The following TENM2 variants were observed in gnomAD, a reference collection of about 807,000 sequenced individuals.
The protein encoded by TENM2 is teneurin-2.
TENM2 carries 52 observed loss-of-function variants against 245.2 expected under a neutral mutation model. The ratio of observed to expected loss-of-function variants is 0.21; its 90% CI spans 0.17 to 0.27. The LOEUF is 0.27. Ranked by LOEUF, TENM2 falls within the 10% of genes least tolerant of loss-of-function variation. The probability of loss-of-function intolerance (pLI) is 1.00; values close to 1 mark genes in which losing one functional copy is unlikely to be tolerated. For missense variants in TENM2, 3,046 were observed against 3,666.8 expected (o/e 0.83, Z 4.37); for synonymous variants, 1,363 against 1,438.9 (o/e 0.95, Z 1.19).
At chr5:168,157,761 A>AT (rs907110920) in intron 12 of TENM2, among the ~76,000 whole-genome samples, 5 of 152,250 alleles carry the variant, frequency 3.3e-5, no homozygotes, top group African/African-American at 1.2e-4. Context: ...AAGAGTCAGA[A>AT]TTCTTTTGAG....
the TENM2 span, among the ~76,000 whole-genome samples, chr5:167,221,514 A>G: frequency 5.3e-5 from 8 of 152,286 alleles, no homozygotes; most frequent in East Asian, 1.2e-3. Flanking sequence ...GACTCTTGAC[A>G]GTTTAGTTTT....
chr5:168,181,377 C>T (rs1292737897), intron 13 of TENM2, among the ~76,000 whole-genome samples: 4 of 152,218 alleles, frequency 2.6e-5, no homozygotes, highest in African/African-American at 9.7e-5. Flanking sequence ...CAGATTTCTG[C>T]CTTTGGTAGC....
At chr5:167,748,883 G>A (rs1362806506) in intron 2 of TENM2, among the ~76,000 whole-genome samples, 2 of 152,002 alleles carry the variant, frequency 1.3e-5, no homozygotes, top group African/African-American at 4.8e-5. Flanking sequence ...AAGACTGTGG[G>A]GATTACAGTT....
chr5:167,143,237 G>T, the TENM2 span, among the ~76,000 whole-genome samples: 1 of 152,134 alleles, frequency 6.6e-6, no homozygotes, highest in Non-Finnish European at 1.5e-5. Context: ...CATGAATACG[G>T]GTAATTGAGA....
At chr5:167,887,435 A>G (rs1294005090) in intron 3 of TENM2, among the ~76,000 whole-genome samples, 1 of 152,204 alleles carries the variant, frequency 6.6e-6, no homozygotes, top group African/African-American at 2.4e-5. Flanking sequence ...AGTCCTTCAG[A>G]TTTGGGCCTG....
chr5:168,229,152 G>A (rs1451320114), intron 25 of TENM2, among the ~76,000 whole-genome samples: 3 of 148,094 alleles, frequency 2.0e-5, no homozygotes, highest in Non-Finnish European at 3.0e-5. Context: ...ATAGCCCCAC[G>A]AGGATAATTA....
In TENM2 at chr5:168,225,469, AAAC is replaced by A. The variant is rs1269140496; in HGVS notation, c.5109-616_5109-614del. Among the ~76,000 whole-genome samples, 7 of 152,348 alleles carry A rather than the reference AAAC, an allele frequency of 4.6e-5. 1 individual carries two copies. Among genetic ancestry groups the A allele is most frequent in the African/African-American group, 1.7e-4 (7 of 41,584 alleles). On this transcript the variant is annotated intron_variant, in intron 23 of 28. Transcript: ENST00000518659. ...GGCTTTGTAGAAGACCTAAATTAAA[AAAC>A]AAGAGAGGGCCAAGTGCGTGGCTCA...
chr5:167,057,468 C>T, the TENM2 span, among the ~76,000 whole-genome samples: 8 of 152,022 alleles, frequency 5.3e-5, no homozygotes, highest in Non-Finnish European at 1.2e-4. Context: ...TTTTGTAATG[C>T]AGTGATAAGA....
rs58351767 is a variant in TENM2, at chr5:167,702,552, G to GTGTGTATA, written c.503-173433_503-173432insGTGTATAT. Among the ~76,000 whole-genome samples, 126 of 136,780 alleles carry GTGTGTATA rather than the reference G, an allele frequency of 9.2e-4. 1 individual carries two copies. The highest frequency in any genetic ancestry group is 1.6e-3 in the South Asian group (7 of 4,370). The allele number at this position is 136,780 out of a possible 152,430, so 89.7% of individuals were successfully genotyped here. A position where few individuals can be genotyped will look rare whatever the true frequency, so the allele number is the denominator to read the frequency against. On this transcript the variant is annotated intron_variant, in intron 2 of 28. Coordinates refer to ENST00000518659, the Ensembl canonical transcript of TENM2. ...TATGTATGTATGTATGTGTGTGTGTGTATATATATATATATATATACATAT... is the reference window on the plus strand; with the variant it reads ...TATGTATGTATGTATGTGTGTGTGTGTGTGTATATATATATATATATATATATACATAT...
At chr5:167,113,210 T>A in the TENM2 span, among the ~76,000 whole-genome samples, 1 of 152,128 alleles carries the variant, frequency 6.6e-6, no homozygotes, top group Non-Finnish European at 1.5e-5. Flanking sequence ...AGTTTAATGG[T>A]ATAATCTAGT....
At chr5:167,527,960 G>T (rs1322318827) in intron 2 of TENM2, among the ~76,000 whole-genome samples, 21 of 152,092 alleles carry the variant, frequency 1.4e-4, no homozygotes, top group Admixed American at 1.4e-3. Flanking sequence ...CCATCCTCTG[G>T]TGGGAAAGGA....
chr5:167,437,588 G>A (rs1200844883), intron 2 of TENM2, among the ~76,000 whole-genome samples: 1 of 151,992 alleles, frequency 6.6e-6, no homozygotes, highest in Admixed American at 6.6e-5. Context: ...GAGTGGCCAG[G>A]GGCTGAAGAT....
At chr5:167,417,806 C>T (rs1329457495) in intron 2 of TENM2, among the ~76,000 whole-genome samples, 1 of 151,982 alleles carries the variant, frequency 6.6e-6, no homozygotes, top group African/African-American at 2.4e-5. Context: ...GCACTGGCAC[C>T]CTGGCTACAC....
chr5:167,388,826 T>C (rs1221343286), intron 2 of TENM2, among the ~76,000 whole-genome samples: 1 of 152,122 alleles, frequency 6.6e-6, no homozygotes, highest in Admixed American at 6.6e-5. Context: ...CCTTTTGGAG[T>C]TGATTTCTAG....
chr5:167,393,425 G>A (rs1406435101), intron 2 of TENM2, among the ~76,000 whole-genome samples: 1 of 152,154 alleles, frequency 6.6e-6, no homozygotes, highest in Non-Finnish European at 1.5e-5. Flanking sequence ...GAAACTAGCT[G>A]TGAAAGGGAA....
chr5:167,642,346 T>C (rs934370956), intron 2 of TENM2, among the ~76,000 whole-genome samples: 3 of 152,110 alleles, frequency 2.0e-5, no homozygotes, highest in African/African-American at 7.2e-5. Context: ...GATCTCAACA[T>C]ATAGCAACTT....
intron 12 of TENM2, among the ~76,000 whole-genome samples, chr5:168,143,262 CTCTT>C (rs1341191182): frequency 7.2e-6 from 1 of 139,406 alleles, no homozygotes; most frequent in Admixed American, 7.5e-5. Flanking sequence ...GAAAGTCTTA[CTCTT>C]TTTTTTTTTT....
chr5:167,306,582 A>G (rs1171822566), intron 1 of TENM2: 1 of 152,194 alleles, frequency 6.6e-6, no homozygotes, highest in East Asian at 1.9e-4. Flanking sequence ...GTTCACAGGC[A>G]GCTTTAACAG....
chr5:167,837,264 A>C (rs1036917626), intron 2 of TENM2, among the ~76,000 whole-genome samples: 21 of 152,150 alleles, frequency 1.4e-4, no homozygotes, highest in Admixed American at 1.2e-3. Context: ...CTACCATTAC[A>C]AAAAGCTGAA....
Sources: allele counts gnomAD v4.1 joint callset (sites outside exome capture counted in the v4.1 genomes callset), GRCh38; gene constraint gnomAD v4.1.1; transcripts MANE v1.5; gene names NCBI Gene and HGNC (gene_info 2026-07-23, HGNC 2026-07-21).